Variants in VWC2 observed in about 807,000 individuals in gnomAD.
VWC2 encodes the protein von Willebrand factor C domain containing 2.
Under a neutral mutation model 29.8 loss-of-function variants are expected in VWC2, and 14 were observed. The ratio of observed to expected loss-of-function variants is 0.47; its 90% CI spans 0.31 to 0.74. The LOEUF is 0.74. VWC2 is among the 30% of genes least tolerant of loss of function. The pLI is 0.05. For synonymous variants in VWC2, 213 were observed against 199.0 expected (o/e 1.07, Z -0.59); for missense variants, 457 against 459.8 (o/e 0.99, Z 0.05).
intron 3 of VWC2, among the ~76,000 whole-genome samples, chr7:49,843,708 T>C (rs188720847): frequency 6.6e-6 from 1 of 152,298 alleles, no homozygotes; most frequent in African/African-American, 2.4e-5. Flanking sequence ...CTGAGGTCTA[T>C]TAGAGACAAG....
At chr7:49,781,064 T>A (rs972648858) in intron 2 of VWC2, among the ~76,000 whole-genome samples, 2 of 152,238 alleles carry the variant, frequency 1.3e-5, no homozygotes, top group Non-Finnish European at 2.9e-5. Context: ...GTTACTTAAC[T>A]GAAAACAATG....
intron 3 of VWC2, among the ~76,000 whole-genome samples, chr7:49,898,738 GA>G (rs2128734173): frequency 6.6e-6 from 1 of 152,148 alleles, no homozygotes; most frequent in Admixed American, 6.5e-5. Context: ...GTTATTATAA[GA>G]TACTCTCATT....
In VWC2 at chr7:49,775,504, G is replaced by C; in HGVS notation, c.69G>C (p.Met23Ile). 1 of 1,566,636 alleles carries C rather than the reference G, an allele frequency of 6.4e-7. No homozygotes were observed. Among genetic ancestry groups the C allele is most frequent in the South Asian group, 1.2e-5 (1 of 84,760 alleles). ...SSSLLVTCCL[M>I]VALCSPSIPL... ...CCCTCCTGGTCACCTGCTGCCTGAT[G>C]GTGGCTCTGTGCAGTCCGAGCATCC... Residue 23 changes from methionine (M) to isoleucine (I), a missense_variant, in exon 2 of 4, where the codon ATG becomes ATC. Around this residue, in one of 2 missense-constraint regions of VWC2, gnomAD observed 272 missense variants for 202.7 expected, o/e 1.34. Transcript: ENST00000340652.
At chr7:49,867,120 T>G (rs1281359208) in intron 3 of VWC2, among the ~76,000 whole-genome samples, 3 of 152,172 alleles carry the variant, frequency 2.0e-5, no homozygotes, top group Non-Finnish European at 4.4e-5. Flanking sequence ...TGCAGCTATG[T>G]GGGGAGCCTC....
chr7:49,872,793 G>C (rs967059821), intron 3 of VWC2, among the ~76,000 whole-genome samples: 9 of 149,158 alleles, frequency 6.0e-5, no homozygotes, highest in African/African-American at 2.2e-4. Context: ...GCACACACCT[G>C]TAATCCCAGC....
At chr7:49,910,750 A>G in intron 3 of VWC2, among the ~76,000 whole-genome samples, 1 of 152,198 alleles carries the variant, frequency 6.6e-6, no homozygotes, top group Admixed American at 6.5e-5. Context: ...AATTACAGAG[A>G]TCCTCAATTC....
chr7:49,789,997 C>T (rs1477590958), intron 2 of VWC2, among the ~76,000 whole-genome samples: 1 of 152,226 alleles, frequency 6.6e-6, no homozygotes, highest in East Asian at 1.9e-4. Flanking sequence ...GACTGTGTAT[C>T]TGTTAGGCAA....
Position 49,803,985 on chromosome 7 carries a change from A to C in VWC2, c.826+1145A>C, listed in dbSNP as rs571288252. Among the ~76,000 whole-genome samples, 4 of 152,274 alleles carry C rather than the reference A, an allele frequency of 2.6e-5. No homozygotes were observed. The South Asian group carries it at 8.3e-4, about 32-fold the overall frequency. On this transcript the variant is annotated intron_variant, in intron 3 of 3. Coordinates refer to ENST00000340652, the MANE Select transcript of VWC2 (RefSeq NM_198570.5). ...AGATGACTGTGTTAGGAATGTCATA[A>C]TCATTGTAGCATAGTACATCCAGTC...
chr7:49,793,276 T>G (rs4916992), intron 2 of VWC2, among the ~76,000 whole-genome samples: 84,846 of 151,900 alleles, frequency 0.56, 24,400 homozygotes, highest in Non-Finnish European at 0.62. Context: ...TAAATAATAT[T>G]CAGACTCTGT....
chr7:49,829,255 C>G (rs903734577), intron 3 of VWC2, among the ~76,000 whole-genome samples: 1 of 152,188 alleles, frequency 6.6e-6, no homozygotes, highest in African/African-American at 2.4e-5. Context: ...TGCTTAGAAT[C>G]TGAACACCAA....
chr7:49,877,794 T>A (rs1583736853), intron 3 of VWC2, among the ~76,000 whole-genome samples: 1 of 151,632 alleles, frequency 6.6e-6, no homozygotes, highest in East Asian at 1.9e-4. Flanking sequence ...TTGTCATTAT[T>A]ATTATTTGAA....
At chr7:49,845,090 T>G (rs2128714539) in intron 3 of VWC2, among the ~76,000 whole-genome samples, 1 of 152,060 alleles carries the variant, frequency 6.6e-6, no homozygotes, top group South Asian at 2.1e-4. Flanking sequence ...TGAGAACACA[T>G]GAACACATGG....
At chr7:49,894,691 G>A (rs1181279174) in intron 3 of VWC2, among the ~76,000 whole-genome samples, 2 of 152,204 alleles carry the variant, frequency 1.3e-5, no homozygotes, top group African/African-American at 2.4e-5. Context: ...GAAAAGCGTG[G>A]GTGGGGGCCT....
chr7:49,841,154 T>A (rs557442286), intron 3 of VWC2, among the ~76,000 whole-genome samples: 1 of 152,190 alleles, frequency 6.6e-6, no homozygotes, highest in South Asian at 2.1e-4. Context: ...CAGGAGGGAT[T>A]CCAGAGCAAG....
At chr7:49,831,184 C>T (rs1207944188) in intron 3 of VWC2, among the ~76,000 whole-genome samples, 1 of 152,180 alleles carries the variant, frequency 6.6e-6, no homozygotes, top group Non-Finnish European at 1.5e-5. Flanking sequence ...CCATCTCCAG[C>T]CACTTGCTCT....
intron 3 of VWC2, among the ~76,000 whole-genome samples, chr7:49,853,904 C>T (rs983511754): frequency 2.7e-5 from 4 of 145,654 alleles, no homozygotes; most frequent in Non-Finnish European, 4.5e-5. Flanking sequence ...GTGATGTTCC[C>T]CTTCCTGTGT....
At chr7:49,862,784 T>G (rs1165306448) in intron 3 of VWC2, among the ~76,000 whole-genome samples, 1 of 152,184 alleles carries the variant, frequency 6.6e-6, no homozygotes, top group Non-Finnish European at 1.5e-5. Flanking sequence ...TTAATTTTTG[T>G]AGGTTGAATC....
intron 3 of VWC2, among the ~76,000 whole-genome samples, chr7:49,875,748 T>C (rs2128725006): frequency 6.6e-6 from 1 of 152,266 alleles, no homozygotes; most frequent in Middle Eastern, 3.4e-3. Flanking sequence ...ACAGGCTGTA[T>C]ATTTAGCCCT....
chr7:49,881,817 C>G (rs1791677746), intron 3 of VWC2, among the ~76,000 whole-genome samples: 1 of 151,788 alleles, frequency 6.6e-6, no homozygotes, highest in South Asian at 2.1e-4. Context: ...TAAAATAATT[C>G]ATAACTTATG....
Sources: allele counts gnomAD v4.1 joint callset (sites outside exome capture counted in the v4.1 genomes callset), GRCh38; gene constraint gnomAD v4.1.1; regional missense constraint gnomAD v4.1.1; transcripts MANE v1.5; gene names NCBI Gene and HGNC (gene_info 2026-07-23, HGNC 2026-07-21).